Variants in PCDHGB2 observed in about 807,000 individuals in gnomAD.
PCDHGB2 encodes the protein protocadherin gamma subfamily B, 2.
A neutral mutation model predicts 59.3 loss-of-function variants in PCDHGB2; 55 were observed. The observed-to-expected ratio is 0.93, with a 90% CI of 0.75 to 1.16. PCDHGB2 has a LOEUF of 1.16. Ranked by LOEUF, PCDHGB2 falls within the 50% of genes most tolerant of loss-of-function variation. The pLI, the probability that PCDHGB2 is intolerant of heterozygous loss-of-function variation, is 0.00. For synonymous variants in PCDHGB2, 516 were observed against 512.0 expected, an observed-to-expected ratio of 1.01 and a Z score of -0.11; for missense variants, 1,228 against 1,198.5, an observed-to-expected ratio of 1.02 and a Z score of -0.36.
At chr5:141,383,394 C>A in intron 1 of PCDHGB2, 2 of 1,614,036 alleles carry the variant, frequency 1.2e-6, no homozygotes, top group Non-Finnish European at 1.7e-6. Context: ...TGGGCACGAA[C>A]TCCCTCCAGA....
intron 1 of PCDHGB2, among the ~76,000 whole-genome samples, chr5:141,439,168 G>C (rs2098092980): frequency 6.6e-6 from 1 of 150,792 alleles, no homozygotes; most frequent in Non-Finnish European, 1.5e-5. Context: ...ACTCCAGCCT[G>C]GGCGACATAG....
At chr5:141,372,053 C>G in intron 1 of PCDHGB2, 1 of 1,613,498 alleles carries the variant, frequency 6.2e-7, no homozygotes, top group South Asian at 1.1e-5. Flanking sequence ...TGTTGGTGGA[C>G]GACCGCAACG....
rs947567666 is a variant in PCDHGB2, at chr5:141,422,270, T to C, written c.2421+59714T>C. ...GATGTGAATGATAACGCTCCAGAAA[T>C]AACTATCACCTCTTCTATTAATTCA... On this transcript the variant is annotated intron_variant, in intron 1 of 3. Transcript: ENST00000522605. 2.6e-6 allele frequency: 4 copies of C among 1,562,452 alleles called. No homozygotes were observed. The East Asian group carries it at 9.0e-5, about 35-fold the overall frequency.
Position 141,476,021 on chromosome 5 carries a change from C to T in PCDHGB2, c.2422-18786C>T. The T allele has an allele frequency of 7.1e-7, 1 of 1,400,498 alleles. No individual in the cohort carries two copies. The highest frequency in any genetic ancestry group is 1.4e-5 in the South Asian group (1 of 71,458). 86.8% of individuals were successfully genotyped at this position (1,400,498 alleles called of 1,614,324 possible). A position where few individuals can be genotyped will look rare whatever the true frequency, so the allele number is the denominator to read the frequency against. ...GGCATCCAGAAAGCCATGTCGGACT[C>T]GGCGCCCAGCGCCCAAGCGCTAACC... On this transcript the variant is annotated intron_variant, in intron 1 of 3. Coordinates refer to ENST00000522605, the MANE Select transcript of PCDHGB2 (RefSeq NM_018923.3). This position sits in a 1 kb window ranked among gnomAD's most constrained non-coding sequence, Gnocchi z 7.6.
At chr5:141,409,241 A>G in intron 1 of PCDHGB2, 1 of 1,614,038 alleles carries the variant, frequency 6.2e-7, no homozygotes. Context: ...CAGCCCAGAA[A>G]TAATCATCAC....
chr5:141,491,119 G>A lies in PCDHGB2; in HGVS notation c.2422-3688G>A. 6.2e-7 allele frequency: 1 copy of A among 1,614,216 alleles called. No individual in the cohort carries two copies. The highest frequency in any genetic ancestry group is 1.1e-5 in the South Asian group (1 of 91,086). ...GTTCCTCGTGTCTACACACACTGGT[G>A]AGGTGCGCACAGCCCGGGCCTTACT... On this transcript the variant is annotated intron_variant, in intron 1 of 3. Transcript: ENST00000522605. The surrounding 1 kb of genome is among the most constrained non-coding windows in gnomAD (Gnocchi z 6.9).
chr5:141,428,168 C>A, intron 1 of PCDHGB2: 1 of 1,551,608 alleles, frequency 6.4e-7, no homozygotes, highest in Non-Finnish European at 8.8e-7. Context: ...GGTTGCTGTG[C>A]GTGACGGAGG....
intron 1 of PCDHGB2, chr5:141,394,043 G>C (rs1431547996): frequency 6.2e-7 from 1 of 1,613,576 alleles, no homozygotes; most frequent in South Asian, 1.1e-5. Context: ...GGAAATATTT[G>C]GACCGAGAAA....
In PCDHGB2 at chr5:141,360,518, A is replaced by T. The variant is rs764837535; in HGVS notation, c.383A>T (p.Asp128Val). 5 of 1,613,996 alleles carry T rather than the reference A, an allele frequency of 3.1e-6. No homozygotes were observed. The highest frequency in any genetic ancestry group is 4.2e-6 in the Non-Finnish European group (5 of 1,179,902). Residue 128 changes from aspartate to valine, a missense_variant, in exon 1 of 4, where the codon GAT becomes GTT. Physicochemically the swap from Asp to Val is radical, Grantham distance 152. This residue lies in a region of PCDHGB2 where 781 missense variants were observed against 721.6 expected (regional missense o/e 1.08). Transcript: ENST00000522605. ...YIAVIVQDIN[D>V]NTPLFKQTKI... is the part of the protein sequence containing the mutation. Reference sequence around the variant, plus strand: ...GCAGTAATTGTGCAGGATATAAATGATAATACCCCGCTATTCAAACAGACT... The same window carrying T: ...GCAGTAATTGTGCAGGATATAAATGTTAATACCCCGCTATTCAAACAGACT...
At chr5:141,400,819 C>A (rs1316119038) in intron 1 of PCDHGB2, among the ~76,000 whole-genome samples, 1 of 152,132 alleles carries the variant, frequency 6.6e-6, no homozygotes, top group African/African-American at 2.4e-5. Flanking sequence ...TTTACCTATT[C>A]GTTGTCTCAT....
At position 141,432,225 on chromosome 5, in the gene PCDHGB2, A is replaced by T; in HGVS notation, c.2422-62582A>T. On this transcript the variant is annotated intron_variant, in intron 1 of 3. Transcript: ENST00000522605. This position sits in a 1 kb window ranked among gnomAD's most constrained non-coding sequence, Gnocchi z 6.0. ...TGTGAAGAGAACGCCCAGATCACTT[A>T]TTCCCTGGCTGAGAACACCATCCAA... The T allele has an allele frequency of 1.2e-6, 2 of 1,614,206 alleles. No individual in the cohort carries two copies. Among genetic ancestry groups the T allele is most frequent in the South Asian group, 2.2e-5 (2 of 91,080 alleles).
At chr5:141,375,345 C>G (rs749825552) in intron 1 of PCDHGB2, 9 of 1,613,740 alleles carry the variant, frequency 5.6e-6, no homozygotes, top group African/African-American at 1.3e-5. Context: ...TACAACATCA[C>G]TGTGACAGCC....
chr5:141,486,138 C>T lies in PCDHGB2; in HGVS notation c.2422-8669C>T. On this transcript the variant is annotated intron_variant, in intron 1 of 3. Transcript: ENST00000522605. This position sits in a 1 kb window ranked among gnomAD's most constrained non-coding sequence, Gnocchi z 5.0. ...AATTACTATGAATTTGATGTGCGGG[C>T]TCGCGATGGGGGTTCTCCAGCCATG... The T allele has an allele frequency of 6.2e-7, 1 of 1,614,212 alleles. No individual in the cohort carries two copies. The highest frequency in any genetic ancestry group is 1.3e-5 in the African/African-American group (1 of 75,052).
intron 1 of PCDHGB2, chr5:141,403,479 A>G: frequency 1.2e-6 from 2 of 1,613,848 alleles, no homozygotes; most frequent in Non-Finnish European, 1.7e-6. Flanking sequence ...AGCCCCAATC[A>G]CCACTTCTCC....
intron 1 of PCDHGB2, among the ~76,000 whole-genome samples, chr5:141,466,627 C>G (rs1448245449): frequency 6.6e-6 from 1 of 152,154 alleles, no homozygotes; most frequent in African/African-American, 2.4e-5. Flanking sequence ...TTCTTTGGAG[C>G]ATTGTCTCCA....
At chr5:141,366,474 G>T (rs1339425803) in intron 1 of PCDHGB2, 10 of 1,614,248 alleles carry the variant, frequency 6.2e-6, no homozygotes, top group Non-Finnish European at 8.5e-6. Context: ...CTGGTGCTCA[G>T]ACTGAGGCGC....
rs776079289 is a variant in PCDHGB2 at position 141,423,264 on chromosome 5, CGAGTCTCT to C, written c.2421+60710_2421+60717del. The C allele has an allele frequency of 9.8e-5, 158 of 1,613,986 alleles. 1 individual carries two copies. The African/African-American group carries it at 1.9e-3, about 20-fold the overall frequency. ...AAGTCCTGGCGGACCTCGGCAGCCT[CGAGTCTCT>C]GGCTAACTCTGAAACCTCAGACCTC... On this transcript the variant is annotated intron_variant, in intron 1 of 3. Transcript: ENST00000522605.
intron 1 of PCDHGB2, among the ~76,000 whole-genome samples, chr5:141,446,315 G>A (rs556077331): frequency 6.6e-6 from 1 of 152,188 alleles, no homozygotes; most frequent in East Asian, 1.9e-4. Context: ...TGATTCCTGG[G>A]TTTCCACATT....
At chr5:141,457,933 TATTGGC>T (rs2098933012) in intron 1 of PCDHGB2, among the ~76,000 whole-genome samples, 2 of 152,206 alleles carry the variant, frequency 1.3e-5, no homozygotes, top group Non-Finnish European at 2.9e-5. Context: ...AAGGGGCTTT[TATTGGC>T]TCTGCATGTC....
Sources: allele counts gnomAD v4.1 joint callset (sites outside exome capture counted in the v4.1 genomes callset), GRCh38; gene constraint gnomAD v4.1.1; regional missense constraint gnomAD v4.1.1; non-coding constraint Gnocchi (gnomAD v3.1); transcripts MANE v1.5; gene names NCBI Gene and HGNC (gene_info 2026-07-23, HGNC 2026-07-21).